The following GPSM2 variants were observed in gnomAD, a reference collection of about 807,000 sequenced individuals.
GPSM2 encodes the protein G protein-signaling modulator 2.
GPSM2 carries 58 observed loss-of-function variants against 78.4 expected under a neutral mutation model. That is an observed-to-expected ratio of 0.74 (90% CI 0.60 to 0.92). The LOEUF is 0.92. GPSM2 is among the 40% of genes least tolerant of loss of function. The pLI is 0.00. For synonymous variants in GPSM2, 224 were observed against 280.2 expected (o/e 0.80, Z 2.00); for missense variants, 700 against 815.5 (o/e 0.86, Z 1.73).
At chr1:108,878,321 G>A (rs1435943804) in intron 1 of GPSM2, among the ~76,000 whole-genome samples, 3 of 152,100 alleles carry the variant, frequency 2.0e-5, no homozygotes, top group Non-Finnish European at 4.4e-5. Context: ...CAACTACCAC[G>A]GAGTCGTTTT....
chr1:108,909,017 T>C (rs950138996), intron 10 of GPSM2, among the ~76,000 whole-genome samples: 2 of 152,056 alleles, frequency 1.3e-5, no homozygotes, highest in Non-Finnish European at 2.9e-5. Context: ...CATGAGCCTG[T>C]GATCCCAGCT....
chr1:108,906,286 C>T (rs928044903), intron 10 of GPSM2, among the ~76,000 whole-genome samples: 5 of 151,946 alleles, frequency 3.3e-5, no homozygotes, highest in African/African-American at 1.2e-4. Context: ...CTCTGTTGCC[C>T]GAGCTGGTCT....
chr1:108,927,227 A>T (rs1217509728), intron 14 of GPSM2, among the ~76,000 whole-genome samples: 1 of 152,216 alleles, frequency 6.6e-6, no homozygotes, highest in African/African-American at 2.4e-5. Flanking sequence ...ATCCAAAGTG[A>T]CCTACAAATT....
chr1:108,898,631 C>G lies in GPSM2; in HGVS notation c.558-11C>G, dbSNP rs367811611. On this transcript the variant is annotated splice_polypyrimidine_tract_variant and intron_variant, in intron 5 of 14. Transcript: ENST00000264126. Reference sequence around the variant, plus strand: ...AAACTTATTTTTTCATCACTTTTTGCGATCCCTTAGGGAAAACCTATCATT... The same window carrying G: ...AAACTTATTTTTTCATCACTTTTTGGGATCCCTTAGGGAAAACCTATCATT... 7.4e-6 allele frequency: 12 copies of G among 1,611,912 alleles called. No individual in the cohort carries two copies. Among genetic ancestry groups the G allele is most frequent in the Non-Finnish European group, 1.0e-5 (12 of 1,178,692 alleles).
intron 2 of GPSM2, among the ~76,000 whole-genome samples, chr1:108,890,233 T>C (rs1647875547): frequency 6.6e-6 from 1 of 152,236 alleles, no homozygotes; most frequent in Non-Finnish European, 1.5e-5. Flanking sequence ...TCCTCAGCTG[T>C]GGTCACTCCT....
At chr1:108,904,331 A>C (rs1649062512) in intron 10 of GPSM2, 77 bp downstream of exon 10, 8 of 916,622 alleles carry the variant, frequency 8.7e-6, no homozygotes, top group Middle Eastern at 3.4e-4. Flanking sequence ...CAAATTTGGC[A>C]TATTCAGAGA....
At chr1:108,894,208 T>C (rs892215587) in intron 2 of GPSM2, among the ~76,000 whole-genome samples, 2 of 152,360 alleles carry the variant, frequency 1.3e-5, no homozygotes, top group Non-Finnish European at 2.9e-5. Flanking sequence ...GTTTTCATTT[T>C]TGGAAGGCAA....
At chr1:108,900,284 G>A (rs1304227248) in intron 7 of GPSM2, among the ~76,000 whole-genome samples, 1 of 148,826 alleles carries the variant, frequency 6.7e-6, no homozygotes, top group East Asian at 2.0e-4. Flanking sequence ...TTGTCGCCCA[G>A]GCTGGAGTGC....
chr1:108,888,247 T>C (rs1361593374), intron 2 of GPSM2, among the ~76,000 whole-genome samples: 2 of 152,158 alleles, frequency 1.3e-5, no homozygotes, highest in Non-Finnish European at 2.9e-5. Context: ...AGATGGGGTT[T>C]TGCCATGTTG....
rs1003029774 is a variant in GPSM2, at chr1:108,877,819, T to C, written c.-249+591T>C. The C allele has an allele frequency of 5.9e-5, 9 of 152,264 alleles. No individual in the cohort carries two copies. The East Asian group carries it at 1.7e-3, about 29-fold the overall frequency. The allele number at this position is 152,264 out of a possible 1,614,324, so 9.4% of individuals were successfully genotyped here. Reference sequence around the variant, plus strand: ...TAAGAAAACTCTTTCCTGAAATCTATAGAATACCTTCGAATAAAAAAAAAT... The same window carrying C: ...TAAGAAAACTCTTTCCTGAAATCTACAGAATACCTTCGAATAAAAAAAAAT... On this transcript the variant is annotated intron_variant, in intron 1 of 14. Transcript: ENST00000264126.
At chr1:108,912,603 G>A (rs982827203) in intron 10 of GPSM2, among the ~76,000 whole-genome samples, 3 of 151,326 alleles carry the variant, frequency 2.0e-5, no homozygotes, top group Non-Finnish European at 4.4e-5. Flanking sequence ...AAATGGACAT[G>A]GTGTTGCATG....
chr1:108,890,435 T>G (rs1485470213), intron 2 of GPSM2, among the ~76,000 whole-genome samples: 2 of 152,252 alleles, frequency 1.3e-5, no homozygotes, highest in African/African-American at 4.8e-5. Flanking sequence ...GTCCTTTTTC[T>G]GTGATACAGT....
chr1:108,924,043 A>G lies in GPSM2; in HGVS notation c.1644A>G (p.Leu548=). The change falls in exon 14 of 15, where the codon TTA becomes TTG. Residue 548 remains leucine (L), a synonymous_variant. Transcript: ENST00000264126. ...PVVSPNTDEF[L]DLLASSQSRR... is the part of the protein sequence containing the mutation. The stretch of plus-strand genomic sequence containing the variant: ...TATCCCCCAACACGGATGAGTTTTT[A>G]GATCTTCTTGCCAGCTCACAGAGTC... 1 of 1,613,256 alleles carries G rather than the reference A, an allele frequency of 6.2e-7. No individual in the cohort carries two copies.
intron 1 of GPSM2, among the ~76,000 whole-genome samples, chr1:108,884,680 T>C (rs181414005): frequency 1.4e-4 from 22 of 152,340 alleles, no homozygotes; most frequent in African/African-American, 4.8e-4. Flanking sequence ...GCAGGTAATG[T>C]TCTTATTTTA....
rs564409538 is a variant in GPSM2 at position 108,885,346 on chromosome 1, G to C, written c.-177G>C. 3 of 521,110 alleles carry C rather than the reference G, an allele frequency of 5.8e-6. No homozygotes were observed. Among genetic ancestry groups the C allele is most frequent in the African/African-American group, 5.7e-5 (3 of 52,230 alleles). The allele number at this position is 521,110 out of a possible 1,614,324, so 32.3% of individuals were successfully genotyped here. A position where few individuals can be genotyped will look rare whatever the true frequency, so the allele number is the denominator to read the frequency against. On this transcript the variant is annotated 5_prime_UTR_variant, in exon 2 of 15. Transcript: ENST00000264126. Reference sequence around the variant, plus strand: ...GGGATACATTTTGAACCTTTAAGCTGTCTGACATTGACCTCCTTTCATTAT... The same window carrying C: ...GGGATACATTTTGAACCTTTAAGCTCTCTGACATTGACCTCCTTTCATTAT...
intron 6 of GPSM2, 49 bp from the exon 7 acceptor site, chr1:108,898,830 A>G: frequency 6.2e-7 from 1 of 1,602,434 alleles, no homozygotes; most frequent in Non-Finnish European, 8.6e-7. Flanking sequence ...TGATTAGATC[A>G]TTCTTCAGTT....
intron 1 of GPSM2, among the ~76,000 whole-genome samples, chr1:108,881,570 A>G (rs1322537546): frequency 1.3e-5 from 2 of 152,248 alleles, no homozygotes; most frequent in Non-Finnish European, 2.9e-5. Context: ...AACATGAATC[A>G]TGAATCAAGA....
At chr1:108,891,367 C>A (rs35100394) in intron 2 of GPSM2, among the ~76,000 whole-genome samples, 1 of 152,080 alleles carries the variant, frequency 6.6e-6, no homozygotes, top group Non-Finnish European at 1.5e-5. Flanking sequence ...ATGGAAAGAC[C>A]ACTGGATTTG....
rs780000513 is a variant in GPSM2 at position 108,932,734 on chromosome 1, G to C, written c.*2794G>C. 4 of 152,116 alleles carry C rather than the reference G, an allele frequency of 2.6e-5. No homozygotes were observed. The highest frequency in any genetic ancestry group is 2.6e-4 in the Admixed American group (4 of 15,268). 9.4% of individuals were successfully genotyped at this position (152,116 alleles called of 1,614,324 possible). A position where few individuals can be genotyped will look rare whatever the true frequency, so the allele number is the denominator to read the frequency against. On this transcript the variant is annotated 3_prime_UTR_variant, in exon 15 of 15. Coordinates refer to ENST00000264126, the MANE Select transcript of GPSM2 (RefSeq NM_013296.5). The stretch of plus-strand genomic sequence containing the variant: ...CTTGTCCCAAGAGGACACTTTATAC[G>C]CATGGATGTTCACAAATTTATTCTA...
Sources: gnomAD v4.1 joint callset for allele counts (sites outside exome capture counted in the v4.1 genomes callset) on GRCh38, gnomAD v4.1.1 for gene constraint, MANE v1.5 for transcripts, NCBI Gene and HGNC (gene_info 2026-07-23, HGNC 2026-07-21) for gene names.